The following EPB41 variants were observed in gnomAD, a reference collection of about 807,000 sequenced individuals.
EPB41 encodes the protein erythrocyte membrane protein band 4.1.
EPB41 carries 65 observed loss-of-function variants against 108.0 expected under a neutral mutation model. That is an observed-to-expected ratio of 0.60 (90% confidence interval 0.49 to 0.74). EPB41 has a LOEUF of 0.74. EPB41 is among the 30% of genes least tolerant of loss of function. The pLI is 0.00. For synonymous variants in EPB41, 336 were observed against 358.9 expected (o/e 0.94, Z 0.72); for missense variants, 875 against 1,037.0 (o/e 0.84, Z 2.15).
Position 29,011,755 on chromosome 1 carries a change from G to A in EPB41, c.787-110G>A, listed in dbSNP as rs553537881. On this transcript the variant is annotated intron_variant, in intron 4 of 20. Coordinates refer to ENST00000343067, the MANE Select transcript of EPB41 (RefSeq NM_001376013.1). ...TAATGCAAAGACTATCAAAGGAAAT[G>A]CAGGTTGATCTGGAGGCACTATTTG... The A allele has an allele frequency of 1.2e-4, 134 of 1,154,686 alleles. 1 individual carries two copies. In the African/African-American group the frequency reaches 1.6e-3, roughly 13 times the overall value. 71.5% of individuals were successfully genotyped at this position (1,154,686 alleles called of 1,614,324 possible). A position where few individuals can be genotyped will look rare whatever the true frequency, so the allele number is the denominator to read the frequency against.
intron 4 of EPB41, among the ~76,000 whole-genome samples, chr1:29,011,614 G>A (rs2096502548): frequency 6.6e-6 from 1 of 152,186 alleles, no homozygotes; most frequent in South Asian, 2.1e-4. Context: ...GTATAGATGA[G>A]GAAACTGAGG....
At chr1:28,978,138 C>T (rs757316077) in intron 1 of EPB41, among the ~76,000 whole-genome samples, 7 of 151,316 alleles carry the variant, frequency 4.6e-5, no homozygotes, top group Non-Finnish European at 1.0e-4. Flanking sequence ...TTTTGCCTTT[C>T]TACCTCTGTG....
rs530420611 is a variant in EPB41 at position 28,994,888 on chromosome 1, C to G, written c.681+1346C>G. ...TTGCCCAGGTTACTCTTGAGCTCCC[C>G]GGCTCAAGCGATCTGCCTGCCTCAG... On this transcript the variant is annotated intron_variant, in intron 3 of 20. Transcript: ENST00000343067. Among the ~76,000 whole-genome samples the G allele has an allele frequency of 3.9e-3, 561 of 143,126 alleles. 7 individuals are homozygous for G. The highest frequency in any genetic ancestry group is 0.014 in the African/African-American group (519 of 38,018). 93.9% of individuals were successfully genotyped at this position (143,126 alleles called of 152,430 possible).
At chr1:29,005,951 A>T (rs912186950) in intron 4 of EPB41, among the ~76,000 whole-genome samples, 2 of 152,238 alleles carry the variant, frequency 1.3e-5, no homozygotes, top group Non-Finnish European at 2.9e-5. Context: ...ATTCTGCTTA[A>T]AGTGTTAATA....
chr1:29,071,846 G>A (rs1356141729), intron 16 of EPB41: 1 of 152,130 alleles, frequency 6.6e-6, no homozygotes, highest in African/African-American at 2.4e-5. Context: ...TGAAATCTGA[G>A]TTTATAGGGT....
intron 1 of EPB41, among the ~76,000 whole-genome samples, chr1:28,896,335 G>A (rs1443836225): frequency 6.6e-6 from 1 of 152,188 alleles, no homozygotes; most frequent in South Asian, 2.1e-4. Flanking sequence ...ACAGGTGGTG[G>A]ATAGCAGCCT....
intron 1 of EPB41, among the ~76,000 whole-genome samples, chr1:28,944,739 T>G (rs1482069730): frequency 1.3e-5 from 2 of 151,608 alleles, no homozygotes; most frequent in Non-Finnish European, 2.9e-5. Context: ...TTCACCATGT[T>G]GGCTGGGCTA....
At chr1:29,041,810 C>T (rs1641648577) in intron 11 of EPB41, among the ~76,000 whole-genome samples, 1 of 152,108 alleles carries the variant, frequency 6.6e-6, no homozygotes, top group South Asian at 2.1e-4. Flanking sequence ...TGTTCCTAGG[C>T]AAATTACTTC....
chr1:28,912,361 G>C (rs149913), upstream of EPB41, among the ~76,000 whole-genome samples: 67,796 of 151,872 alleles, frequency 0.45, 17,769 homozygotes, highest in East Asian at 0.85. Flanking sequence ...TGAGTGGAGG[G>C]TGTTTTAGAT....
At chr1:28,934,376 G>A (rs1323347271) in intron 1 of EPB41, among the ~76,000 whole-genome samples, 1 of 151,950 alleles carries the variant, frequency 6.6e-6, no homozygotes, top group Admixed American at 6.6e-5. Context: ...TTTCCATACT[G>A]TACTCTTTAG....
chr1:29,099,854 T>G (rs894584117), intron 17 of EPB41, among the ~76,000 whole-genome samples: 3 of 152,212 alleles, frequency 2.0e-5, no homozygotes, highest in Non-Finnish European at 4.4e-5. Flanking sequence ...ACATTCTAGT[T>G]AGGAGAAACA....
chr1:28,936,852 T>G (rs1478233384), intron 1 of EPB41, among the ~76,000 whole-genome samples: 1 of 152,246 alleles, frequency 6.6e-6, no homozygotes, highest in Non-Finnish European at 1.5e-5. Flanking sequence ...TTGGCTATTA[T>G]AAATAATGCT....
chr1:29,026,135 C>T (rs763607285), intron 7 of EPB41, among the ~76,000 whole-genome samples: 37 of 152,084 alleles, frequency 2.4e-4, no homozygotes, highest in Middle Eastern at 3.4e-3. Flanking sequence ...ATTCAGGGTT[C>T]AAGTAGAGTG....
rs935657514 is a variant in EPB41, at chr1:29,018,082, A to G, written c.906-142A>G. The G allele has an allele frequency of 5.5e-6, 4 of 724,530 alleles. No individual in the cohort carries two copies. The highest frequency in any genetic ancestry group is 3.6e-5 in the African/African-American group (2 of 56,152). 44.9% of individuals were successfully genotyped at this position (724,530 alleles called of 1,614,324 possible). On this transcript the variant is annotated intron_variant, in intron 6 of 20. Coordinates refer to ENST00000343067, the MANE Select transcript of EPB41 (RefSeq NM_001376013.1). The surrounding 1 kb of genome is among the most constrained non-coding windows in gnomAD (Gnocchi z 4.4). ...CCTAGATTGAAGTTATTATTATCTC[A>G]TATTTACTTAATTGCTTTCTTTTCT...
At chr1:28,892,860 G>A (rs1466791549) in intron 1 of EPB41, among the ~76,000 whole-genome samples, 7 of 134,278 alleles carry the variant, frequency 5.2e-5, no homozygotes, top group African/African-American at 2.0e-4. Flanking sequence ...CTGGAGTGTA[G>A]TGGTGCGATC....
At chr1:29,100,813 G>T (rs1293318486) in intron 17 of EPB41, among the ~76,000 whole-genome samples, 1 of 149,014 alleles carries the variant, frequency 6.7e-6, no homozygotes, top group South Asian at 2.1e-4. Context: ...AGCTGTAGTT[G>T]CAGCTATTCA....
chr1:28,957,063 G>A (rs893785889), intron 1 of EPB41, among the ~76,000 whole-genome samples: 12 of 152,256 alleles, frequency 7.9e-5, no homozygotes, highest in African/African-American at 2.9e-4. Flanking sequence ...ATAGGATTGT[G>A]GTTGAATCTG....
chr1:28,930,436 GGGATTAC>G (rs2093683960), intron 1 of EPB41, among the ~76,000 whole-genome samples: 1 of 151,170 alleles, frequency 6.6e-6, no homozygotes, highest in South Asian at 2.1e-4. Flanking sequence ...CCAAAGTGCT[GGGATTAC>G]AGGCATGAAC....
At chr1:29,062,195 TAG>T (rs1646681869) in intron 15 of EPB41, among the ~76,000 whole-genome samples, 1 of 152,236 alleles carries the variant, frequency 6.6e-6, no homozygotes, top group Admixed American at 6.5e-5. Context: ...CTTCAGAGAC[TAG>T]GAAGAATAGT....
Sources: allele counts gnomAD v4.1 joint callset (sites outside exome capture counted in the v4.1 genomes callset), GRCh38; gene constraint gnomAD v4.1.1; non-coding constraint Gnocchi (gnomAD v3.1); transcripts MANE v1.5; gene names NCBI Gene and HGNC (gene_info 2026-07-23, HGNC 2026-07-21).